UGT1A8: variants seen among roughly 807,000 people sequenced by gnomAD.
UGT1A8 encodes UDP-glucuronosyltransferase 1A8.
A neutral mutation model predicts 45.3 loss-of-function variants in UGT1A8; 39 were observed. The ratio of observed to expected loss-of-function variants is 0.86; its 90% confidence interval spans 0.67 to 1.12. The LOEUF (loss-of-function observed/expected upper bound fraction) is 1.12. UGT1A8 is among the 50% of genes most tolerant of loss of function. UGT1A8 has a pLI of 0.00. For missense variants in UGT1A8, 719 were observed against 664.9 expected (o/e 1.08, Z -0.90); for synonymous variants, 275 against 249.2 (o/e 1.10, Z -0.97).
chr2:233,701,897 G>T (rs1185390502), intron 1 of UGT1A8, among the ~76,000 whole-genome samples: 1 of 152,020 alleles, frequency 6.6e-6, no homozygotes, highest in Non-Finnish European at 1.5e-5. Flanking sequence ...AAGCAGAAAA[G>T]ATCTAAAATT....
At chr2:233,637,017 T>C (rs1337253310) in intron 1 of UGT1A8, 3 of 1,614,092 alleles carry the variant, frequency 1.9e-6, no homozygotes, top group Non-Finnish European at 1.7e-6. Flanking sequence ...CCCTCCCCTC[T>C]GTGGTCTTCA....
At chr2:233,744,229 G>T (rs1245532493) in intron 1 of UGT1A8, among the ~76,000 whole-genome samples, 1 of 151,826 alleles carries the variant, frequency 6.6e-6, no homozygotes, top group African/African-American at 2.4e-5. Context: ...AAAAGAGAGG[G>T]CCTTGACTTT....
intron 1 of UGT1A8, among the ~76,000 whole-genome samples, chr2:233,620,949 A>T (rs1319387720): frequency 6.6e-6 from 1 of 152,090 alleles, no homozygotes; most frequent in Non-Finnish European, 1.5e-5. Context: ...TTAGTGATAG[A>T]GTATGTGTTT....
intron 1 of UGT1A8, chr2:233,648,762 C>A: frequency 1.4e-6 from 1 of 725,310 alleles, no homozygotes; most frequent in South Asian, 1.6e-5. Context: ...CCACACCCAG[C>A]CTGGATGCCA....
In UGT1A8 at chr2:233,699,991, T is replaced by G. The variant is rs568440591; in HGVS notation, c.856-67043T>G. 2.6e-4 allele frequency among the ~76,000 whole-genome samples: 40 copies of G among 152,294 alleles called. 1 individual carries two copies. Among genetic ancestry groups the G allele is most frequent in the African/African-American group, 8.9e-4 (37 of 41,564 alleles). On this transcript the variant is annotated intron_variant, in intron 1 of 4. Coordinates refer to ENST00000373450, the MANE Select transcript of UGT1A8 (RefSeq NM_019076.5). ...CCCCCAACTCCCAACAAAGAATTACTCTGGCTCAAAATGTCACGAGTGCTG... is the reference window on the plus strand; with the variant it reads ...CCCCCAACTCCCAACAAAGAATTACGCTGGCTCAAAATGTCACGAGTGCTG...
At chr2:233,747,177 T>A in intron 1 of UGT1A8, 1 of 1,600,690 alleles carries the variant, frequency 6.2e-7, no homozygotes, top group Non-Finnish European at 8.5e-7. Context: ...AGGCACAGCG[T>A]GGGGTGGACA....
At chr2:233,748,129 T>A in intron 1 of UGT1A8, 2 of 1,610,122 alleles carry the variant, frequency 1.2e-6, no homozygotes, top group Admixed American at 1.7e-5. Context: ...AAACAGTTTT[T>A]AAAAATTGTA....
chr2:233,645,713 G>C (rs2125469404), intron 1 of UGT1A8, among the ~76,000 whole-genome samples: 1 of 152,336 alleles, frequency 6.6e-6, no homozygotes, highest in East Asian at 1.9e-4. Flanking sequence ...GAGTTCCCAT[G>C]GTCTTAGGCA....
chr2:233,752,000 T>A (rs1694866049), intron 1 of UGT1A8, among the ~76,000 whole-genome samples: 1 of 152,106 alleles, frequency 6.6e-6, no homozygotes, highest in African/African-American at 2.4e-5. Context: ...TTGAGAAAGT[T>A]GATGAGAAAG....
chr2:233,770,680 G>C (rs940972002), intron 4 of UGT1A8: 1 of 151,464 alleles, frequency 6.6e-6, no homozygotes, highest in Non-Finnish European at 1.5e-5. Context: ...AAAAAAGAAG[G>C]TTCCAAGAAA....
At chr2:233,760,448 GA>G in intron 1 of UGT1A8, 1 of 1,614,238 alleles carries the variant, frequency 6.2e-7, no homozygotes, top group East Asian at 2.2e-5. Context: ...CAGCAGAGGG[GA>G]CATGAAATAG....
At chr2:233,743,465 CA>C (rs1314661599) in intron 1 of UGT1A8, 5 of 1,366,480 alleles carry the variant, frequency 3.7e-6, no homozygotes, top group Middle Eastern at 4.2e-4. Flanking sequence ...AAAACACCCC[CA>C]AAAGCTGGAA....
intron 1 of UGT1A8, among the ~76,000 whole-genome samples, chr2:233,732,854 T>C (rs1024629141): frequency 3.3e-5 from 5 of 151,658 alleles, no homozygotes; most frequent in African/African-American, 9.7e-5. Context: ...TGTGAAGTCA[T>C]TGGTAGCTTG....
intron 1 of UGT1A8, among the ~76,000 whole-genome samples, chr2:233,711,182 A>G (rs1225168983): frequency 1.3e-5 from 2 of 151,724 alleles, no homozygotes; most frequent in East Asian, 3.9e-4. Context: ...AATATGAGCT[A>G]CTCCCTCCCC....
At chr2:233,630,879 A>G (rs1044578332) in intron 1 of UGT1A8, among the ~76,000 whole-genome samples, 4 of 149,968 alleles carry the variant, frequency 2.7e-5, no homozygotes, top group African/African-American at 9.9e-5. Flanking sequence ...ATACATGTGC[A>G]GAACATGCAG....
At chr2:233,672,858 G>T in intron 1 of UGT1A8, 1 of 1,530,776 alleles carries the variant, frequency 6.5e-7, no homozygotes, top group South Asian at 1.3e-5. Context: ...ATTCTTTACT[G>T]AACTGTGATT....
chr2:233,705,447 A>C (rs1211589055), intron 1 of UGT1A8, among the ~76,000 whole-genome samples: 1 of 152,206 alleles, frequency 6.6e-6, no homozygotes, highest in Admixed American at 6.5e-5. Context: ...TCAGAATTGC[A>C]CATATTTTTT....
intron 1 of UGT1A8, chr2:233,681,949 A>G: frequency 6.2e-7 from 1 of 1,613,620 alleles, no homozygotes; most frequent in Non-Finnish European, 8.5e-7. Flanking sequence ...TGGCTCGTGC[A>G]GGGTGGACTG....
At chr2:233,745,974 G>A (rs1693271191) in intron 1 of UGT1A8, among the ~76,000 whole-genome samples, 1 of 151,654 alleles carries the variant, frequency 6.6e-6, no homozygotes, top group Non-Finnish European at 1.5e-5. Flanking sequence ...CCCTGAAATG[G>A]GACCATGACA....
Sources: gnomAD v4.1 joint callset for allele counts (sites outside exome capture counted in the v4.1 genomes callset) on GRCh38, gnomAD v4.1.1 for gene constraint, MANE v1.5 for transcripts, NCBI Gene and HGNC (gene_info 2026-07-23, HGNC 2026-07-21) for gene names.